The following EDIL3 variants were observed in gnomAD, a reference collection of about 807,000 sequenced individuals.
The protein encoded by EDIL3 is EGF-like repeat and discoidin I-like domain-containing protein 3.
Under a neutral mutation model 67.4 loss-of-function variants are expected in EDIL3, and 37 were observed. That is an observed-to-expected ratio of 0.55 (90% CI 0.42 to 0.72). EDIL3 has a LOEUF of 0.72. Ranked by LOEUF, EDIL3 falls within the 30% of genes least tolerant of loss-of-function variation. The probability of loss-of-function intolerance (pLI) is 0.00; values close to 1 mark genes in which losing one functional copy is unlikely to be tolerated. For synonymous variants in EDIL3, 195 were observed against 196.3 expected, an observed-to-expected ratio of 0.99 and a Z score of 0.05; for missense variants, 527 against 586.3, an observed-to-expected ratio of 0.90 and a Z score of 1.04.
chr5:84,229,981 T>A, intron 2 of EDIL3, 97 bp from the exon 3 acceptor site: 1 of 1,111,492 alleles, frequency 9.0e-7, no homozygotes, highest in Non-Finnish European at 1.3e-6. Flanking sequence ...ATATTGAGAT[T>A]GAACATAAAT....
At chr5:84,249,485 GTCTGTCTA>G (rs1254431781) in intron 2 of EDIL3, among the ~76,000 whole-genome samples, 12 of 149,366 alleles carry the variant, frequency 8.0e-5, no homozygotes, top group South Asian at 2.1e-4. Flanking sequence ...ATGTATGTCT[GTCTGTCTA>G]TCTATTTGTC....
At chr5:84,237,123 C>T (rs1030677662) in intron 2 of EDIL3, among the ~76,000 whole-genome samples, 11 of 152,052 alleles carry the variant, frequency 7.2e-5, no homozygotes, top group Admixed American at 1.3e-4. Flanking sequence ...GAAGCTGATA[C>T]TCTCAGGCTC....
At chr5:84,164,663 C>T (rs1748674143) in intron 4 of EDIL3, among the ~76,000 whole-genome samples, 1 of 152,002 alleles carries the variant, frequency 6.6e-6, no homozygotes, top group Admixed American at 6.6e-5. Flanking sequence ...TTATCACTCA[C>T]TTATTTATAA....
At chr5:84,302,621 C>A (rs967243722) in intron 1 of EDIL3, among the ~76,000 whole-genome samples, 1 of 152,046 alleles carries the variant, frequency 6.6e-6, no homozygotes, top group Non-Finnish European at 1.5e-5. Context: ...TAAATGGAAC[C>A]CTTATAGCCT....
chr5:84,010,709 C>T (rs77533159), intron 9 of EDIL3, among the ~76,000 whole-genome samples: 2 of 152,154 alleles, frequency 1.3e-5, no homozygotes, highest in South Asian at 4.1e-4. Flanking sequence ...AATTGAATTA[C>T]AAATTCTATC....
intron 9 of EDIL3, among the ~76,000 whole-genome samples, chr5:83,975,687 A>G (rs886275769): frequency 2.6e-5 from 4 of 151,900 alleles, no homozygotes; most frequent in Non-Finnish European, 5.9e-5. Context: ...TTTATATATT[A>G]TAAGTGTTTA....
chr5:83,951,757 T>G (rs1352771783), intron 10 of EDIL3, among the ~76,000 whole-genome samples: 1 of 151,644 alleles, frequency 6.6e-6, no homozygotes, highest in Non-Finnish European at 1.5e-5. Context: ...AATTTGAGAG[T>G]ATTGGAAAAG....
intron 10 of EDIL3, 27 bp from the exon 11 acceptor site, chr5:83,943,595 A>G: frequency 6.2e-7 from 1 of 1,609,038 alleles, no homozygotes; most frequent in Non-Finnish European, 8.5e-7. Flanking sequence ...GAAAAATGTC[A>G]GTCACACAGC....
At chr5:84,111,012 G>T (rs1747554161) in intron 5 of EDIL3, among the ~76,000 whole-genome samples, 1 of 152,064 alleles carries the variant, frequency 6.6e-6, no homozygotes, top group Non-Finnish European at 1.5e-5. Context: ...CTGGATCATG[G>T]GGACGGGCTT....
intron 1 of EDIL3, among the ~76,000 whole-genome samples, chr5:84,256,703 G>A (rs979262763): frequency 6.6e-6 from 1 of 152,162 alleles, no homozygotes; most frequent in African/African-American, 2.4e-5. Flanking sequence ...ATATGGGAAA[G>A]TGTATCACCA....
intron 6 of EDIL3, among the ~76,000 whole-genome samples, chr5:84,100,486 A>G (rs1270959102): frequency 6.6e-6 from 1 of 152,094 alleles, no homozygotes; most frequent in East Asian, 1.9e-4. Flanking sequence ...AGAAAACCAA[A>G]CACCACATGT....
chr5:83,983,685 T>C (rs980896916), intron 9 of EDIL3, among the ~76,000 whole-genome samples: 2 of 150,874 alleles, frequency 1.3e-5, no homozygotes, highest in African/African-American at 2.4e-5. Context: ...ATTCAAAGAG[T>C]AGTAATGAGA....
At chr5:84,126,004 G>A (rs1172141233) in intron 5 of EDIL3, among the ~76,000 whole-genome samples, 1 of 151,860 alleles carries the variant, frequency 6.6e-6, no homozygotes, top group African/African-American at 2.4e-5. Context: ...AAGTCCATAG[G>A]GTAGGTAATT....
At chr5:84,107,651 AAC>A (rs1362475624) in intron 5 of EDIL3, among the ~76,000 whole-genome samples, 2 of 151,278 alleles carry the variant, frequency 1.3e-5, no homozygotes, top group Non-Finnish European at 3.0e-5. Context: ...CTAAGATTAA[AAC>A]ACATTATGCT....
At chr5:84,280,565 T>C (rs182941119) in intron 1 of EDIL3, among the ~76,000 whole-genome samples, 4 of 152,300 alleles carry the variant, frequency 2.6e-5, no homozygotes, top group Admixed American at 2.0e-4. Context: ...TGGTTAAGAA[T>C]GTGAGCCCTG....
At chr5:84,082,742 G>C (rs1259110758) in intron 6 of EDIL3, among the ~76,000 whole-genome samples, 1 of 152,040 alleles carries the variant, frequency 6.6e-6, no homozygotes, top group Non-Finnish European at 1.5e-5. Flanking sequence ...GGTTTTTCTT[G>C]AGAATTTAAG....
Position 84,254,193 on chromosome 5 carries a change from A to G in EDIL3, c.87T>C (p.Asn29=). ...QFGKGDICDP[N]PCENGGICLP... ...AACAGATACCTCCATTTTCACATGG[A>G]TTGGGATCACAAATATCACCTAAGG... is the stretch of plus-strand genomic sequence containing the variant. The change falls in exon 2 of 11, where the codon AAT becomes AAC. Residue 29 remains asparagine, a synonymous_variant. Coordinates refer to ENST00000296591, the MANE Select transcript of EDIL3 (RefSeq NM_005711.5). 4 of 1,612,028 alleles carry G rather than the reference A, an allele frequency of 2.5e-6. No homozygotes were observed. The highest frequency in any genetic ancestry group is 2.5e-6 in the Non-Finnish European group (3 of 1,178,980).
At chr5:84,050,578 G>A (rs1746316610) in intron 9 of EDIL3, among the ~76,000 whole-genome samples, 1 of 152,216 alleles carries the variant, frequency 6.6e-6, no homozygotes, top group South Asian at 2.1e-4. Flanking sequence ...GCAAAGCTGT[G>A]ACAGACGGCA....
chr5:84,093,788 T>C lies in EDIL3; in HGVS notation c.651+12861A>G, dbSNP rs530239204. On this transcript the variant is annotated intron_variant, in intron 6 of 10. Transcript: ENST00000296591. Reference sequence around the variant, plus strand: ...GATTCTCCTGCCTCAGCCTCCCAAGTAGCTGGGACTAGAGGTGTCTGCCAC... The same window carrying C: ...GATTCTCCTGCCTCAGCCTCCCAAGCAGCTGGGACTAGAGGTGTCTGCCAC... 2.6e-5 allele frequency among the ~76,000 whole-genome samples: 4 copies of C among 151,332 alleles called. No homozygotes were observed. In the South Asian group the frequency reaches 6.3e-4, roughly 24 times the overall value.
Sources: allele counts gnomAD v4.1 joint callset (sites outside exome capture counted in the v4.1 genomes callset), GRCh38; gene constraint gnomAD v4.1.1; transcripts MANE v1.5; gene names NCBI Gene and HGNC (gene_info 2026-07-23, HGNC 2026-07-21).